Variants in ZPBP observed in about 807,000 individuals in gnomAD.
The protein encoded by ZPBP is zona pellucida binding protein.
ZPBP carries 26 observed loss-of-function variants against 44.8 expected under a neutral mutation model. The ratio of observed to expected loss-of-function variants is 0.58; its 90% CI spans 0.43 to 0.81. ZPBP has a LOEUF of 0.81. Among genes scored for constraint, ZPBP ranks in the 30% least tolerant of loss-of-function variants. The pLI is 0.00. For missense variants in ZPBP, 409 were observed against 434.0 expected (o/e 0.94, Z 0.51); for synonymous variants, 174 against 153.2 (o/e 1.14, Z -1.00).
intron 7 of ZPBP, among the ~76,000 whole-genome samples, chr7:49,981,683 A>AT (rs1431669487): frequency 1.2e-4 from 5 of 42,176 alleles, no homozygotes; most frequent in Non-Finnish European, 1.7e-4. Context: ...TATTATATAT[A>AT]ATAATATATA....
chr7:49,963,242 C>A lies in ZPBP; in HGVS notation c.961+20100G>T, dbSNP rs547108118. Among the ~76,000 whole-genome samples the A allele has an allele frequency of 2.5e-4, 38 of 151,480 alleles. 1 individual carries two copies. The South Asian group carries it at 7.9e-3, about 31-fold the overall frequency. On this transcript the variant is annotated intron_variant, in intron 7 of 7. Coordinates refer to ENST00000046087, the MANE Select transcript of ZPBP (RefSeq NM_007009.3). ...TTTAAGAGATGGACAACAGAAAGCA[C>A]TCTGAGAATGTGAAAAAGCTAGAAA...
At chr7:49,970,466 C>CTTT (rs771955717) in intron 7 of ZPBP, among the ~76,000 whole-genome samples, 1 of 85,200 alleles carries the variant, frequency 1.2e-5, no homozygotes, top group Non-Finnish European at 2.2e-5. Context: ...GCTGAATATA[C>CTTT]TTTTTTTTTT....
At chr7:50,006,568 T>A (rs181924856) in intron 6 of ZPBP, among the ~76,000 whole-genome samples, 1 of 152,016 alleles carries the variant, frequency 6.6e-6, no homozygotes, top group African/African-American at 2.4e-5. Context: ...AAAGCAGTGT[T>A]TAGAAGGAAA....
downstream of ZPBP, among the ~76,000 whole-genome samples, chr7:49,932,503 C>T (rs1794482352): frequency 6.6e-6 from 1 of 152,254 alleles, no homozygotes; most frequent in East Asian, 1.9e-4. Flanking sequence ...TGGCCAATTT[C>T]TCCCATTAGG....
downstream of ZPBP, among the ~76,000 whole-genome samples, chr7:49,934,454 A>G (rs1794558877): frequency 6.6e-6 from 1 of 152,178 alleles, no homozygotes. Flanking sequence ...TATAAAAAAA[A>G]AAAAACTCAC....
chr7:49,928,384 G>C (rs181189652), intron 1 of ZPBP, among the ~76,000 whole-genome samples: 34 of 152,148 alleles, frequency 2.2e-4, no homozygotes, highest in African/African-American at 8.2e-4. Context: ...TTGACTTATT[G>C]CTTAAAAATC....
intron 2 of ZPBP, among the ~76,000 whole-genome samples, chr7:49,870,687 G>A (rs567278164): frequency 6.6e-6 from 1 of 152,296 alleles, no homozygotes; most frequent in Non-Finnish European, 1.5e-5. Flanking sequence ...GAAGAGTTGG[G>A]AAACCATGAC....
chr7:50,020,830 T>C (rs1201057430), intron 5 of ZPBP, among the ~76,000 whole-genome samples: 1 of 151,960 alleles, frequency 6.6e-6, no homozygotes, highest in Non-Finnish European at 1.5e-5. Flanking sequence ...GAATGCTAAA[T>C]CAACAAAAGA....
Position 50,093,078 on chromosome 7 carries a change from C to T in ZPBP, c.117G>A (p.Val39=). Residue 39 remains valine (V), a synonymous_variant, in exon 1 of 8, where the codon GTG becomes GTA. Coordinates refer to ENST00000046087, the MANE Select transcript of ZPBP (RefSeq NM_007009.3). Reference sequence around the variant, plus strand: ...GGCGCGGACCCTCACCTGATGAGGGCACCCGCACCAGGAAGGCGGAGATAA... The same window carrying T: ...GGCGCGGACCCTCACCTGATGAGGGTACCCGCACCAGGAAGGCGGAGATAA... ...LLFISAFLVR[V]PSSVGHLVRL... 6.2e-7 allele frequency: 1 copy of T among 1,600,920 alleles called. No homozygotes were observed. Among genetic ancestry groups the T allele is most frequent in the Non-Finnish European group, 8.5e-7 (1 of 1,174,102 alleles).
chr7:49,933,899 T>C (rs1461471613), downstream of ZPBP, among the ~76,000 whole-genome samples: 3 of 101,730 alleles, frequency 2.9e-5, no homozygotes, highest in Non-Finnish European at 6.0e-5. Context: ...CCAGGGCCTG[T>C]TGTGGGCTGG....
At chr7:49,968,560 AT>A (rs1664046022) in intron 7 of ZPBP, among the ~76,000 whole-genome samples, 1 of 152,078 alleles carries the variant, frequency 6.6e-6, no homozygotes, top group African/African-American at 2.4e-5. Flanking sequence ...CTTAAACTAG[AT>A]CTCTCATAAA....
At chr7:49,868,157 G>A (rs1790992135) in intron 2 of ZPBP, among the ~76,000 whole-genome samples, 1 of 152,084 alleles carries the variant, frequency 6.6e-6, no homozygotes, top group East Asian at 1.9e-4. Flanking sequence ...TTATAAGTGA[G>A]GAAAACCCAA....
rs567291620 is a variant in ZPBP at position 50,009,665 on chromosome 7, A to G, written c.783+8575T>C. Among the ~76,000 whole-genome samples, 6 of 152,244 alleles carry G rather than the reference A, an allele frequency of 3.9e-5. No individual in the cohort carries two copies. The South Asian group carries it at 1.2e-3, about 32-fold the overall frequency. ...CGAGTGAGACTTACTCCCTATTTAT[A>G]AAACACAGAGGAAACAATGAAACTA... is the stretch of plus-strand genomic sequence containing the variant. On this transcript the variant is annotated intron_variant, in intron 6 of 7. Transcript: ENST00000046087.
At chr7:49,960,592 C>T (rs1357053245) in intron 7 of ZPBP, among the ~76,000 whole-genome samples, 1 of 151,960 alleles carries the variant, frequency 6.6e-6, no homozygotes, top group East Asian at 1.9e-4. Context: ...GAAAATACAG[C>T]ACATATATCA....
intron 6 of ZPBP, among the ~76,000 whole-genome samples, chr7:49,987,958 C>A (rs1227131986): frequency 1.3e-5 from 2 of 151,788 alleles, no homozygotes; most frequent in Non-Finnish European, 2.9e-5. Flanking sequence ...AAATTTTTAC[C>A]TAGGGTTAAA....
intron 6 of ZPBP, among the ~76,000 whole-genome samples, chr7:49,987,728 TTGTGTGTGTG>T (rs55971066): frequency 0.21 from 30,471 of 145,472 alleles, 3,445 homozygotes; most frequent in East Asian, 0.47. Context: ...TATATATGTG[TTGTGTGTGTG>T]TGTGTGTGTG....
intron 7 of ZPBP, among the ~76,000 whole-genome samples, chr7:49,969,810 T>TAGAG (rs879572280): frequency 5.2e-4 from 59 of 113,088 alleles, no homozygotes; most frequent in South Asian, 5.0e-3. Context: ...AATGTATATA[T>TAGAG]ATATATATAG....
At chr7:49,882,303 C>T (rs2128727515) in intron 2 of ZPBP, among the ~76,000 whole-genome samples, 1 of 152,206 alleles carries the variant, frequency 6.6e-6, no homozygotes, top group South Asian at 2.1e-4. Context: ...GCTAAGCCTT[C>T]CTCACTTTAT....
intron 6 of ZPBP, among the ~76,000 whole-genome samples, chr7:50,011,278 A>G (rs563497728): frequency 3.9e-4 from 59 of 152,316 alleles, no homozygotes; most frequent in African/African-American, 1.4e-3. Context: ...ATAACACTGG[A>G]AAACTCTTCT....
Sources: gnomAD v4.1 joint callset for allele counts (sites outside exome capture counted in the v4.1 genomes callset) on GRCh38, gnomAD v4.1.1 for gene constraint, MANE v1.5 for transcripts, NCBI Gene and HGNC (gene_info 2026-07-23, HGNC 2026-07-21) for gene names.